Variants in GALNTL6 observed in about 807,000 individuals in gnomAD.
GALNTL6 encodes the protein polypeptide N-acetylgalactosaminyltransferase-like 6.
GALNTL6 carries 46 observed loss-of-function variants against 73.7 expected under a neutral mutation model. That is an observed-to-expected ratio of 0.62 (90% CI 0.49 to 0.80). GALNTL6 has a LOEUF of 0.80. Ranked by LOEUF, GALNTL6 falls within the 30% of genes least tolerant of loss-of-function variation. GALNTL6 has a pLI of 0.00. For missense variants in GALNTL6, 604 were observed against 755.0 expected (o/e 0.80, Z 2.34); for synonymous variants, 259 against 263.7 (o/e 0.98, Z 0.17).
intron 5 of GALNTL6, among the ~76,000 whole-genome samples, chr4:172,496,178 A>G (rs1427432788): frequency 6.6e-6 from 1 of 152,130 alleles, no homozygotes; most frequent in Non-Finnish European, 1.5e-5. Context: ...TGTAATCCAA[A>G]TATTCTGTAC....
chr4:172,824,068 G>A, intron 7 of GALNTL6, among the ~76,000 whole-genome samples: 1 of 152,168 alleles, frequency 6.6e-6, no homozygotes, highest in Admixed American at 6.5e-5. Context: ...TATAATCTTA[G>A]AACTCATATG....
chr4:172,059,751 G>A (rs1474925983), intron 2 of GALNTL6, among the ~76,000 whole-genome samples: 1 of 152,196 alleles, frequency 6.6e-6, no homozygotes, highest in Non-Finnish European at 1.5e-5. Context: ...CTCATGCTAT[G>A]TTTATTTGAA....
intron 7 of GALNTL6, among the ~76,000 whole-genome samples, chr4:172,879,833 G>A (rs1291503798): frequency 6.6e-6 from 1 of 151,884 alleles, no homozygotes; most frequent in East Asian, 1.9e-4. Context: ...CCAAAAGTTA[G>A]TTCTTTCAAC....
intron 5 of GALNTL6, among the ~76,000 whole-genome samples, chr4:172,529,241 C>A (rs1561123957): frequency 6.6e-6 from 1 of 151,494 alleles, no homozygotes; most frequent in Admixed American, 6.6e-5. Context: ...AACAGCCTTG[C>A]AAATTGAAAG....
At chr4:172,420,793 A>G (rs2111361185) in intron 5 of GALNTL6, among the ~76,000 whole-genome samples, 1 of 152,292 alleles carries the variant, frequency 6.6e-6, no homozygotes, top group South Asian at 2.1e-4. Flanking sequence ...GACTAGATAA[A>G]GAAAATGTGG....
intron 5 of GALNTL6, chr4:172,380,169 G>T: frequency 9.7e-7 from 1 of 1,033,776 alleles, no homozygotes; most frequent in Non-Finnish European, 1.5e-6. Flanking sequence ...GCCTGGATCC[G>T]TAGCAGAACT....
chr4:172,852,891 G>A (rs1743911890), intron 7 of GALNTL6, among the ~76,000 whole-genome samples: 1 of 152,096 alleles, frequency 6.6e-6, no homozygotes, highest in Non-Finnish European at 1.5e-5. Context: ...ATTTAAAGAA[G>A]AGCCAAGGAA....
intron 2 of GALNTL6, among the ~76,000 whole-genome samples, chr4:171,865,064 T>C (rs969620649): frequency 6.6e-6 from 1 of 151,970 alleles, no homozygotes; most frequent in Admixed American, 6.6e-5. Context: ...TAGAATCTCT[T>C]GACCCCGGGA....
intron 2 of GALNTL6, among the ~76,000 whole-genome samples, chr4:171,881,346 C>T (rs1578936742): frequency 6.6e-6 from 1 of 152,118 alleles, no homozygotes; most frequent in South Asian, 2.1e-4. Context: ...GGCTCTGTGT[C>T]TCCACCAAAA....
chr4:172,517,928 A>G (rs1370192964), intron 5 of GALNTL6, among the ~76,000 whole-genome samples: 1 of 152,088 alleles, frequency 6.6e-6, no homozygotes, highest in Non-Finnish European at 1.5e-5. Context: ...ATCTAAAAAT[A>G]TAGCAAGTTC....
intron 5 of GALNTL6, among the ~76,000 whole-genome samples, chr4:172,768,623 G>A (rs1301672883): frequency 6.6e-6 from 1 of 152,148 alleles, no homozygotes; most frequent in Non-Finnish European, 1.5e-5. Flanking sequence ...CCTGGAAAAG[G>A]GTGATTTCTT....
chr4:172,441,939 C>T (rs905545588), intron 5 of GALNTL6, among the ~76,000 whole-genome samples: 3 of 151,970 alleles, frequency 2.0e-5, no homozygotes, highest in Non-Finnish European at 4.4e-5. Flanking sequence ...TGTTGCAAAG[C>T]TGAAAGCCAA....
At chr4:172,207,257 G>A (rs111724800) in intron 2 of GALNTL6, among the ~76,000 whole-genome samples, 4 of 152,196 alleles carry the variant, frequency 2.6e-5, no homozygotes, top group African/African-American at 9.6e-5. Flanking sequence ...ATATGTTCAA[G>A]TAAAATGTGC....
chr4:172,057,741 T>A (rs1731073072), intron 2 of GALNTL6, among the ~76,000 whole-genome samples: 2 of 140,316 alleles, frequency 1.4e-5, no homozygotes, highest in African/African-American at 5.3e-5. Context: ...TATATATATA[T>A]ATATATATAT....
chr4:172,031,063 T>TTATCATAGAAA (rs1741751763), intron 2 of GALNTL6, among the ~76,000 whole-genome samples: 1 of 152,080 alleles, frequency 6.6e-6, no homozygotes, highest in Non-Finnish European at 1.5e-5. Context: ...ATCTCAAAGA[T>TTATCATAGAAA]TATCATAGAA....
At position 172,773,262 on chromosome 4, in the gene GALNTL6, C is replaced by T. The variant is rs1041033598; in HGVS notation, c.554-36099C>T. Among the ~76,000 whole-genome samples, 15 of 152,008 alleles carry T rather than the reference C, an allele frequency of 9.9e-5. 1 individual carries two copies. Among genetic ancestry groups the T allele is most frequent in the Non-Finnish European group, 1.6e-4 (11 of 68,002 alleles). On this transcript the variant is annotated intron_variant, in intron 5 of 12. Transcript: ENST00000506823. ...TCACCCAGCCTGCAGTACAGTGGCA[C>T]GATCATAGCGTCCTGCAGACTTAAA...
At chr4:171,904,709 G>A (rs1404450000) in intron 2 of GALNTL6, among the ~76,000 whole-genome samples, 1 of 152,158 alleles carries the variant, frequency 6.6e-6, no homozygotes, top group African/African-American at 2.4e-5. Context: ...CACCAAAGTT[G>A]AAATGAAGGA....
chr4:172,803,975 C>T (rs1438768487), intron 5 of GALNTL6, among the ~76,000 whole-genome samples: 3 of 151,970 alleles, frequency 2.0e-5, no homozygotes, highest in Admixed American at 1.3e-4. Flanking sequence ...TACTAGGACA[C>T]GAAGAGATTG....
Position 172,506,885 on chromosome 4 carries a change from C to T in GALNTL6, c.553+158196C>T, listed in dbSNP as rs1394119589. The stretch of plus-strand genomic sequence containing the variant: ...CAAGGCCCTTGGCTTCCTGAAGTTT[C>T]GCTGAAAAATTAACTCACAAAAGGC... On this transcript the variant is annotated intron_variant, in intron 5 of 12. Transcript: ENST00000506823. Among the ~76,000 whole-genome samples, 8 of 55,282 alleles carry T rather than the reference C, an allele frequency of 1.4e-4. 3 individuals carry two copies. Among genetic ancestry groups the T allele is most frequent in the African/African-American group, 2.3e-4 (5 of 22,142 alleles). The allele number at this position is 55,282 out of a possible 152,430, so 36.3% of individuals were successfully genotyped here.
Sources: allele counts gnomAD v4.1 joint callset (sites outside exome capture counted in the v4.1 genomes callset), GRCh38; gene constraint gnomAD v4.1.1; transcripts MANE v1.5; gene names NCBI Gene and HGNC (gene_info 2026-07-23, HGNC 2026-07-21).